The following TAFA1 variants were observed in gnomAD, a reference collection of about 807,000 sequenced individuals.
TAFA1 encodes chemokine-like protein TAFA-1.
A neutral mutation model predicts 18.5 loss-of-function variants in TAFA1; 4 were observed. The ratio of observed to expected loss-of-function variants is 0.22; its 90% CI spans 0.11 to 0.49. TAFA1 has a LOEUF of 0.49. Among genes scored for constraint, TAFA1 ranks in the 20% least tolerant of loss-of-function variants. TAFA1 has a pLI of 0.98. For synonymous variants in TAFA1, 56 were observed against 55.2 expected (o/e 1.01, Z -0.06); for missense variants, 147 against 169.0 (o/e 0.87, Z 0.72).
At chr3:68,418,521 T>G (rs1012485585) in intron 3 of TAFA1, among the ~76,000 whole-genome samples, 1 of 150,750 alleles carries the variant, frequency 6.6e-6, no homozygotes, top group African/African-American at 2.4e-5. Flanking sequence ...ATGTCATCAG[T>G]TAAGGCGGAG....
At chr3:68,117,234 GT>G (rs1435617824) in intron 2 of TAFA1, among the ~76,000 whole-genome samples, 1 of 152,084 alleles carries the variant, frequency 6.6e-6, no homozygotes, top group Non-Finnish European at 1.5e-5. Flanking sequence ...TGGGGTTTTG[GT>G]TATGCTAAAG....
At chr3:68,319,854 T>G (rs528155307) in intron 2 of TAFA1, among the ~76,000 whole-genome samples, 30 of 152,352 alleles carry the variant, frequency 2.0e-4, no homozygotes, top group African/African-American at 7.0e-4. Context: ...GAATCTACTT[T>G]ATCATACTGA....
intron 2 of TAFA1, among the ~76,000 whole-genome samples, chr3:68,339,427 G>A (rs985577413): frequency 1.8e-4 from 27 of 152,268 alleles, no homozygotes; most frequent in African/African-American, 6.0e-4. Flanking sequence ...TGGCAATATG[G>A]ATAGTAATAG....
At chr3:68,121,300 A>T (rs1453440355) in intron 2 of TAFA1, among the ~76,000 whole-genome samples, 1 of 150,682 alleles carries the variant, frequency 6.6e-6, no homozygotes, top group Admixed American at 6.6e-5. Context: ...TATACTATGT[A>T]TATACTCCTA....
At chr3:68,316,851 T>C (rs2068613479) in intron 2 of TAFA1, among the ~76,000 whole-genome samples, 1 of 152,186 alleles carries the variant, frequency 6.6e-6, no homozygotes, top group Non-Finnish European at 1.5e-5. Flanking sequence ...TTTTCTAATA[T>C]ATGAAGAAAA....
intron 3 of TAFA1, among the ~76,000 whole-genome samples, chr3:68,516,775 T>C (rs2072926437): frequency 6.6e-6 from 1 of 152,150 alleles, no homozygotes; most frequent in South Asian, 2.1e-4. Flanking sequence ...GTAAATAAAT[T>C]GTTCCTTCTT....
intron 2 of TAFA1, among the ~76,000 whole-genome samples, chr3:68,038,980 C>A (rs910515916): frequency 6.6e-6 from 1 of 152,120 alleles, no homozygotes; most frequent in East Asian, 1.9e-4. Context: ...TCATATGTGA[C>A]TTTCACTGTA....
chr3:68,350,639 T>C (rs1704580160), intron 2 of TAFA1, among the ~76,000 whole-genome samples: 1 of 152,134 alleles, frequency 6.6e-6, no homozygotes, highest in African/African-American at 2.4e-5. Flanking sequence ...TTATTGGATG[T>C]AATTTAAATT....
chr3:67,994,412 T>C, the TAFA1 span, among the ~76,000 whole-genome samples: 1 of 152,210 alleles, frequency 6.6e-6, no homozygotes, highest in African/African-American at 2.4e-5. Flanking sequence ...AGAGTCCAGA[T>C]TAAATTATCT....
intron 2 of TAFA1, among the ~76,000 whole-genome samples, chr3:68,308,317 T>G (rs1267807248): frequency 2.0e-5 from 3 of 152,198 alleles, no homozygotes; most frequent in Non-Finnish European, 4.4e-5. Flanking sequence ...GCTCTTTCAT[T>G]TTAGTTTTAT....
chr3:68,280,962 A>C (rs2067887858), intron 2 of TAFA1, among the ~76,000 whole-genome samples: 1 of 152,194 alleles, frequency 6.6e-6, no homozygotes, highest in African/African-American at 2.4e-5. Flanking sequence ...TATTTTAAAA[A>C]GTGTTTTAGA....
At chr3:68,260,919 T>C (rs1400939798) in intron 2 of TAFA1, among the ~76,000 whole-genome samples, 1 of 151,870 alleles carries the variant, frequency 6.6e-6, no homozygotes, top group Admixed American at 6.6e-5. Flanking sequence ...AATTGACAAA[T>C]GGGATCTAAT....
At chr3:68,151,360 C>G (rs190052508) in intron 2 of TAFA1, among the ~76,000 whole-genome samples, 6 of 152,238 alleles carry the variant, frequency 3.9e-5, no homozygotes, top group Non-Finnish European at 8.8e-5. Context: ...AGGCAGGCAG[C>G]TTTTCTTGAT....
At chr3:68,313,161 G>C (rs1003731731) in intron 2 of TAFA1, among the ~76,000 whole-genome samples, 1 of 152,152 alleles carries the variant, frequency 6.6e-6, no homozygotes, top group Non-Finnish European at 1.5e-5. Context: ...GATGAGATTT[G>C]GGCGGGGACA....
chr3:68,542,057 T>C lies in TAFA1; in HGVS notation c.385-2429T>C, dbSNP rs545467482. Among the ~76,000 whole-genome samples, 105 of 152,258 alleles carry C rather than the reference T, an allele frequency of 6.9e-4. 1 individual carries two copies. The highest frequency in any genetic ancestry group is 2.2e-3 in the African/African-American group (90 of 41,566). On this transcript the variant is annotated intron_variant, in intron 4 of 4. Coordinates refer to ENST00000478136, the MANE Select transcript of TAFA1 (RefSeq NM_213609.4). ...CCTCAGGAACAATGGATCTGAGTGA[T>C]ATTATTACCCCAGAAGGAAGGAGAA...
chr3:68,253,778 T>A (rs1343052314), intron 2 of TAFA1, among the ~76,000 whole-genome samples: 1 of 152,216 alleles, frequency 6.6e-6, no homozygotes, highest in African/African-American at 2.4e-5. Flanking sequence ...GATGTTTGTC[T>A]AATGAGTGCA....
chr3:68,498,721 G>GTTTTTT (rs1559694779), intron 3 of TAFA1, among the ~76,000 whole-genome samples: 14 of 101,694 alleles, frequency 1.4e-4, no homozygotes, highest in African/African-American at 5.8e-4. Flanking sequence ...CCGTTTGGTG[G>GTTTTTT]CTTTTTTTTT....
chr3:68,341,276 G>A (rs1014028816), intron 2 of TAFA1, among the ~76,000 whole-genome samples: 6 of 152,162 alleles, frequency 3.9e-5, no homozygotes, highest in African/African-American at 1.4e-4. Flanking sequence ...TCGGGTTGGA[G>A]ATGGAATCAA....
chr3:68,257,581 T>A (rs949119607), intron 2 of TAFA1, among the ~76,000 whole-genome samples: 7 of 152,144 alleles, frequency 4.6e-5, no homozygotes, highest in Admixed American at 4.6e-4. Context: ...TACTCATGAT[T>A]TTATTTAATC....
Sources: allele counts gnomAD v4.1 joint callset (sites outside exome capture counted in the v4.1 genomes callset), GRCh38; gene constraint gnomAD v4.1.1; transcripts MANE v1.5; gene names NCBI Gene and HGNC (gene_info 2026-07-23, HGNC 2026-07-21).